The following ZDBF2 variants were observed in gnomAD, a reference collection of about 807,000 sequenced individuals.
ZDBF2 encodes the protein zinc finger DBF-type containing 2.
A neutral mutation model predicts 9.4 loss-of-function variants in ZDBF2; 6 were observed. The ratio of observed to expected loss-of-function variants is 0.64; its 90% CI spans 0.35 to 1.27. ZDBF2 has a LOEUF of 1.27. ZDBF2 is among the 50% of genes most tolerant of loss of function. The probability of loss-of-function intolerance (pLI) is 0.03; values close to 1 mark genes in which losing one functional copy is unlikely to be tolerated. For synonymous variants in ZDBF2, 905 were observed against 946.3 expected (o/e 0.96, Z 0.80); for missense variants, 2,697 against 2,766.8 (o/e 0.97, Z 0.57).
chr2:206,308,674 A>C lies in ZDBF2; in HGVS notation c.4146A>C (p.Gln1382His), dbSNP rs1299743652. Residue 1382 changes from glutamine (Q) to histidine (H), a missense_variant, in exon 5 of 5, where the codon CAA (glutamine) becomes CAC (histidine). Around this residue, in one of 3 missense-constraint regions of ZDBF2, gnomAD observed 1,783 missense variants for 1,776.5 expected, o/e 1.00. Transcript: ENST00000374423. ...DSFQAAADELQKPVKEINLWK... is the reference protein window; with the variant it reads ...DSFQAAADELHKPVKEINLWK... ...TTCAGGCAGCAGCAGATGAGCTTCA[A>C]AAACCTGTCAAAGAAATAAATCTTT... The C allele has an allele frequency of 6.2e-7, 1 of 1,612,424 alleles. No individual in the cohort carries two copies. The highest frequency in any genetic ancestry group is 2.2e-5 in the East Asian group (1 of 44,886).
Position 206,311,409 on chromosome 2 carries a change from C to A in ZDBF2, c.6881C>A (p.Pro2294His), listed in dbSNP as rs1207472379. Reference protein sequence around the residue: ...SAMANPPPKRPVRASCRVARR... With the variant: ...SAMANPPPKRHVRASCRVARR... ...ATGGCAAATCCTCCTCCAAAGCGAC[C>A]TGTGCGGGCTTCTTGCCGCGTTGCA... is the stretch of plus-strand genomic sequence containing the variant. Residue 2294 changes from proline (P) to histidine (H), a missense_variant, in exon 5 of 5, where the codon CCT becomes CAT. Transcript: ENST00000374423. 1.8e-5 allele frequency: 29 copies of A among 1,604,844 alleles called. No homozygotes were observed. Among genetic ancestry groups the A allele is most frequent in the Admixed American group, 3.5e-5 (2 of 57,586 alleles).
rs376780190 is a variant in ZDBF2, at chr2:206,306,900, C to A, written c.2372C>A (p.Thr791Asn). The A allele has an allele frequency of 8.1e-6, 13 of 1,613,730 alleles. No individual in the cohort carries two copies. The highest frequency in any genetic ancestry group is 1.1e-5 in the Non-Finnish European group (13 of 1,179,776). The stretch of plus-strand genomic sequence containing the variant: ...TGTGAGTCAGATAGTTCTGAAATAA[C>A]TTTTGATTCTGATATTCCTCTTTAT... ...ESCESDSSEI[T>N]FDSDIPLYSV... The change falls in exon 5 of 5, where the codon ACT (threonine) becomes AAT (asparagine). Residue 791 changes from threonine (T) to asparagine (N), a missense_variant. Transcript: ENST00000374423.
chr2:206,279,252 A>G (rs1691186877), intron 1 of ZDBF2, among the ~76,000 whole-genome samples: 2 of 152,152 alleles, frequency 1.3e-5, no homozygotes, highest in Admixed American at 6.5e-5. Context: ...CAGAGGCACA[A>G]TTGAGCCTTA....
rs754229005 is a variant in ZDBF2 at position 206,307,778 on chromosome 2, T to G, written c.3250T>G (p.Ser1084Ala). The change falls in exon 5 of 5, where the codon TCT (serine) becomes GCT (alanine). Residue 1084 changes from serine to alanine, a missense_variant. This residue lies in a region of ZDBF2 where 1,783 missense variants were observed against 1,776.5 expected (regional missense o/e 1.00). Transcript: ENST00000374423. ...KSGDSKITFDSEQLQEAVKKI... is the reference protein window; with the variant it reads ...KSGDSKITFDAEQLQEAVKKI... Reference sequence around the variant, plus strand: ...AGGTGATTCTAAAATAACTTTTGATTCTGAACAACTTCAGGAAGCGGTTAA... The same window carrying G: ...AGGTGATTCTAAAATAACTTTTGATGCTGAACAACTTCAGGAAGCGGTTAA... 2 of 1,610,734 alleles carry G rather than the reference T, an allele frequency of 1.2e-6. No homozygotes were observed. The highest frequency in any genetic ancestry group is 1.7e-6 in the Non-Finnish European group (2 of 1,179,152).
At chr2:206,290,047 T>C (rs1691808029) in intron 3 of ZDBF2, among the ~76,000 whole-genome samples, 2 of 152,250 alleles carry the variant, frequency 1.3e-5, no homozygotes, top group Non-Finnish European at 2.9e-5. Flanking sequence ...GCTGGCCATC[T>C]TTTTCCAAGT....
chr2:206,283,396 G>T (rs1412639949), intron 3 of ZDBF2, among the ~76,000 whole-genome samples: 117 of 150,992 alleles, frequency 7.7e-4, no homozygotes, highest in Admixed American at 2.2e-3. Context: ...TTTTGTTGTT[G>T]TTGTTGTTGT....
At position 206,310,147 on chromosome 2, in the gene ZDBF2, A is replaced by G. The variant is rs770933295; in HGVS notation, c.5619A>G (p.Lys1873=). Residue 1873 remains lysine, a synonymous_variant, in exon 5 of 5, where the codon AAA becomes AAG. Coordinates refer to ENST00000374423, the MANE Select transcript of ZDBF2 (RefSeq NM_020923.3). The stretch of plus-strand genomic sequence containing the variant: ...CCAAAAAAGTTTCTTCGAAGGGGAA[A>G]AAAAAGGTTACCTGGGCTGACTTGC... ...CETKKVSSKG[K]KKVTWADLQG... 6.2e-7 allele frequency: 1 copy of G among 1,613,350 alleles called. No individual in the cohort carries two copies. Among genetic ancestry groups the G allele is most frequent in the African/African-American group, 1.3e-5 (1 of 74,868 alleles).
intron 3 of ZDBF2, among the ~76,000 whole-genome samples, chr2:206,284,688 TTA>T (rs1691508337): frequency 6.6e-6 from 1 of 152,202 alleles, no homozygotes; most frequent in Admixed American, 6.5e-5. Flanking sequence ...TTTTCTTCTT[TTA>T]TGGCTGAATC....
Position 206,281,097 on chromosome 2 carries a change from G to A in ZDBF2, c.-49-704G>A, listed in dbSNP as rs1266125077. ...GCTCTACTAAAATTTTGGGTATTCA[G>A]CCTGGTTTGGGAACCATGCAGTATG... On this transcript the variant is annotated intron_variant, in intron 2 of 4. Transcript: ENST00000374423. Among the ~76,000 whole-genome samples the A allele has an allele frequency of 2.0e-5, 3 of 152,076 alleles. No individual in the cohort carries two copies. In the East Asian group the frequency reaches 5.8e-4, roughly 29 times the overall value.
intron 3 of ZDBF2, among the ~76,000 whole-genome samples, chr2:206,283,164 C>T (rs903402208): frequency 6.6e-6 from 1 of 152,146 alleles, no homozygotes; most frequent in Non-Finnish European, 1.5e-5. Context: ...ATGAATAGTG[C>T]TGCTATGGAT....
chr2:206,276,330 G>T (rs1266354862), intron 1 of ZDBF2, among the ~76,000 whole-genome samples: 1 of 152,124 alleles, frequency 6.6e-6, no homozygotes, highest in Non-Finnish European at 1.5e-5. Context: ...GTGCGTATGT[G>T]CCTGTGCGTG....
chr2:206,282,552 ATTG>A (rs1691380229), intron 3 of ZDBF2, among the ~76,000 whole-genome samples: 1 of 152,154 alleles, frequency 6.6e-6, no homozygotes, highest in African/African-American at 2.4e-5. Flanking sequence ...TCTTTAAGAC[ATTG>A]TAGGCTAAGG....
intron 1 of ZDBF2, among the ~76,000 whole-genome samples, chr2:206,277,627 C>T (rs1691089236): frequency 6.6e-6 from 1 of 151,100 alleles, no homozygotes; most frequent in Non-Finnish European, 1.5e-5. Context: ...TTGAAACTGC[C>T]TTCAGATTTT....
In ZDBF2 at chr2:206,308,963, C is replaced by G. The variant is rs1483348024; in HGVS notation, c.4435C>G (p.Gln1479Glu). The G allele has an allele frequency of 3.1e-6, 5 of 1,613,562 alleles. No individual in the cohort carries two copies. Among genetic ancestry groups the G allele is most frequent in the Non-Finnish European group, 3.4e-6 (4 of 1,179,690 alleles). The change falls in exon 5 of 5, where the codon CAG (glutamine) becomes GAG (glutamate). Residue 1479 changes from glutamine to glutamate, a missense_variant. By Grantham distance (29) the Gln-to-Glu change is conservative. This residue lies in a region of ZDBF2 where 1,783 missense variants were observed against 1,776.5 expected (regional missense o/e 1.00). Coordinates refer to ENST00000374423, the MANE Select transcript of ZDBF2 (RefSeq NM_020923.3). ...PQVSYKEADL[Q>E]KEEHVVMEEK... ...AGTGTCTTACAAAGAGGCAGACCTT[C>G]AGAAGGAAGAGCATGTTGTCATGGA...
Position 206,311,826 on chromosome 2 carries a change from CTTAAT to C in ZDBF2, c.*237_*241del, listed in dbSNP as rs1163050749. ...AACATTTTCTGTAGAAGAACTTCAT[CTTAAT>C]TTATGTCACAAAATAATTTAGCACC... On this transcript the variant is annotated 3_prime_UTR_variant, in exon 5 of 5. Coordinates refer to ENST00000374423, the MANE Select transcript of ZDBF2 (RefSeq NM_020923.3). The C allele has an allele frequency of 3.2e-6, 1 of 315,358 alleles. No homozygotes were observed. The highest frequency in any genetic ancestry group is 5.6e-5 in the East Asian group (1 of 17,778). The allele number at this position is 315,358 out of a possible 1,614,324, so 19.5% of individuals were successfully genotyped here.
At chr2:206,293,267 A>C (rs1368188343) in intron 3 of ZDBF2, among the ~76,000 whole-genome samples, 3 of 152,174 alleles carry the variant, frequency 2.0e-5, no homozygotes, top group Non-Finnish European at 4.4e-5. Context: ...GAGGAAAATG[A>C]AACTTTATTG....
In ZDBF2 at chr2:206,310,567, T is replaced by C; in HGVS notation, c.6039T>C (p.Ser2013=). 1 of 1,613,000 alleles carries C rather than the reference T, an allele frequency of 6.2e-7. No individual in the cohort carries two copies. The highest frequency in any genetic ancestry group is 2.2e-5 in the East Asian group (1 of 44,874). ...CCAAAGCCTTAGTCTGTGTTCTTTC[T>C]TCTTTAAATATTAAACTGAAAGAGG... ...MQPKALVCVL[S]SLNIKLKEGE... is the part of the protein sequence containing the mutation. Residue 2013 remains serine (S), a synonymous_variant, in exon 5 of 5, where the codon TCT becomes TCC. Transcript: ENST00000374423.
At position 206,305,174 on chromosome 2, in the gene ZDBF2, G is replaced by T. The variant is rs1559149258; in HGVS notation, c.646G>T (p.Val216Phe). Residue 216 changes from valine (V) to phenylalanine (F), a missense_variant, in exon 5 of 5, where the codon GTT (valine) becomes TTT (phenylalanine). Val to Phe is a conservative substitution (Grantham distance 50). This residue lies in a region of ZDBF2 where 910 missense variants were observed against 973.6 expected (regional missense o/e 0.93). Transcript: ENST00000374423. ...ACCACCAGCAGCTCATTTGGATTCA[G>T]TTAGCAAATGTGACCCAAACAAAGT... is the stretch of plus-strand genomic sequence containing the variant. ...SLPPAAHLDS[V>F]SKCDPNKVEK... 6.2e-7 allele frequency: 1 copy of T among 1,613,880 alleles called. No homozygotes were observed. Among genetic ancestry groups the T allele is most frequent in the East Asian group, 2.2e-5 (1 of 44,884 alleles).
At chr2:206,303,297 T>C (rs1213595858) in intron 4 of ZDBF2, among the ~76,000 whole-genome samples, 1 of 152,042 alleles carries the variant, frequency 6.6e-6, no homozygotes, top group African/African-American at 2.4e-5. Context: ...TTATTTTTTA[T>C]GTGTCTGCCT....
Sources: gnomAD v4.1 joint callset for allele counts (sites outside exome capture counted in the v4.1 genomes callset) on GRCh38, gnomAD v4.1.1 for gene constraint, gnomAD v4.1.1 regional missense constraint, MANE v1.5 for transcripts, NCBI Gene and HGNC (gene_info 2026-07-23, HGNC 2026-07-21) for gene names.